Variants in GALR1 observed in about 807,000 individuals in gnomAD.
GALR1 encodes galanin receptor 1, also known as galanin receptor type 1.
In GALR1, 11 loss-of-function variants were observed where a neutral mutation model predicts 17.9. That is an observed-to-expected ratio of 0.62 (90% CI 0.39 to 1.02). The LOEUF (loss-of-function observed/expected upper bound fraction) is 1.02. GALR1 is among the 50% of genes least tolerant of loss of function. The pLI, the probability that GALR1 is intolerant of heterozygous loss-of-function variation, is 0.01. For missense variants in GALR1, 441 were observed against 456.9 expected, an observed-to-expected ratio of 0.97 and a Z score of 0.32; for synonymous variants, 206 against 205.7, an observed-to-expected ratio of 1.00 and a Z score of -0.01.
At chr18:77,252,899 C>CCACCAT (rs1568139010) in intron 1 of GALR1, among the ~76,000 whole-genome samples, 42 of 48,532 alleles carry the variant, frequency 8.7e-4, no homozygotes, top group African/African-American at 1.4e-3. Context: ...ACCACCATCA[C>CCACCAT]CACCACCACC....
intron 2 of GALR1, among the ~76,000 whole-genome samples, chr18:77,266,487 C>T (rs555219609): frequency 1.3e-4 from 20 of 152,316 alleles, no homozygotes; most frequent in South Asian, 6.2e-4. Context: ...AAAGTTGCTT[C>T]GACATTTTTG....
chr18:77,268,547 C>T (rs779715315), intron 2 of GALR1, 38 bp from the exon 3 acceptor site: 1 of 1,270,618 alleles, frequency 7.9e-7, no homozygotes, highest in Non-Finnish European at 1.1e-6. Context: ...TTACCGCCTC[C>T]TCCTCCTCCT....
Position 77,251,158 on chromosome 18 carries a change from A to T in GALR1, c.610A>T (p.Thr204Ser). 6.2e-7 allele frequency: 1 copy of T among 1,611,612 alleles called. No homozygotes were observed. Among genetic ancestry groups the T allele is most frequent in the Non-Finnish European group, 8.5e-7 (1 of 1,178,746 alleles). Residue 204 changes from threonine (T) to serine (S), a missense_variant, in exon 1 of 3, where the codon ACC (threonine) becomes TCC (serine). By Grantham distance (58) the Thr-to-Ser change is moderately conservative. Transcript: ENST00000299727. ...CCACAAGAAGGCCTACGTGGTGTGC[A>T]CCTTCGTCTTCGGCTACCTGCTGCC... The part of the protein sequence containing the change: ...PRHKKAYVVC[T>S]FVFGYLLPLL...
rs1913080889 is a variant in GALR1, at chr18:77,272,311, G to T, written c.*3409G>T. 1 of 152,204 alleles carries T rather than the reference G, an allele frequency of 6.6e-6. No homozygotes were observed. Among genetic ancestry groups the T allele is most frequent in the Non-Finnish European group, 1.5e-5 (1 of 68,046 alleles). The allele number at this position is 152,204 out of a possible 1,614,324, so 9.4% of individuals were successfully genotyped here. On this transcript the variant is annotated 3_prime_UTR_variant, in exon 3 of 3. Coordinates refer to ENST00000299727, the MANE Select transcript of GALR1 (RefSeq NM_001480.4). ...CCCAGATGCTTTGAGGCAGTGCAGC[G>T]ATCATTCTAATATGTTAACTGAGAC... is the stretch of plus-strand genomic sequence containing the variant.
At chr18:77,260,127 C>T (rs1040534095) in intron 2 of GALR1, among the ~76,000 whole-genome samples, 1 of 152,112 alleles carries the variant, frequency 6.6e-6, no homozygotes, top group African/African-American at 2.4e-5. Flanking sequence ...ATACCATAGT[C>T]TGGGTGGCTC....
rs1466003802 is a variant in GALR1 at position 77,257,190 on chromosome 18, C to T, written c.732+967C>T. 3.1e-4 allele frequency among the ~76,000 whole-genome samples: 47 copies of T among 151,992 alleles called. 1 individual carries two copies. On this transcript the variant is annotated intron_variant, in intron 2 of 2. Transcript: ENST00000299727. ...CTTCCTGACTTTCCTTCTTTATGAA[C>T]AGTAATGTGGCTAAAAAGCCATCTG...
At chr18:77,252,950 T>TCACCACCACCACCAC (rs1912485693) in intron 1 of GALR1, among the ~76,000 whole-genome samples, 2 of 25,268 alleles carry the variant, frequency 7.9e-5, no homozygotes, top group East Asian at 1.1e-3. Flanking sequence ...ACCACCACCA[T>TCACCACCACCACCAC]CACCACCATC....
chr18:77,268,713 C>T lies in GALR1; in HGVS notation c.861C>T (p.Thr287=), dbSNP rs557561459. ...CGGCTTCCTTCCTCTTCAGAATCAC[C>T]GCCCACTGCCTGGCGTACAGCAATT... is the stretch of plus-strand genomic sequence containing the variant. ...LTPASFLFRI[T]AHCLAYSNSS... Residue 287 remains threonine, a synonymous_variant, in exon 3 of 3, where the codon ACC becomes ACT. Transcript: ENST00000299727. The T allele has an allele frequency of 1.7e-5, 27 of 1,614,142 alleles. No homozygotes were observed. In the South Asian group the frequency reaches 2.2e-4, roughly 13 times the overall value.
At chr18:77,256,414 T>C (rs113998433) in intron 2 of GALR1, among the ~76,000 whole-genome samples, 191 bp downstream of exon 2, 1,958 of 152,060 alleles carry the variant, frequency 0.013, 41 homozygotes, top group African/African-American at 0.045. Flanking sequence ...GCACCGTGGG[T>C]CACTCCGTGC....
At chr18:77,251,506 C>T (rs1912415281) in intron 1 of GALR1, among the ~76,000 whole-genome samples, 1 of 152,252 alleles carries the variant, frequency 6.6e-6, no homozygotes, top group East Asian at 1.9e-4. Context: ...TCCCCTTCCT[C>T]GGCCCTGCGG....
intron 2 of GALR1, among the ~76,000 whole-genome samples, chr18:77,261,014 T>A (rs935562455): frequency 3.5e-5 from 5 of 141,986 alleles, no homozygotes; most frequent in Middle Eastern, 3.6e-3. Context: ...TTTTTTTTTT[T>A]ATCATTCTCA....
At chr18:77,264,383 G>A (rs749227763) in intron 2 of GALR1, among the ~76,000 whole-genome samples, 1 of 152,042 alleles carries the variant, frequency 6.6e-6, no homozygotes, top group Non-Finnish European at 1.5e-5. Context: ...GAAAAATAAG[G>A]CTCTGTTTAT....
intron 1 of GALR1, among the ~76,000 whole-genome samples, chr18:77,253,417 A>C (rs1431170028): frequency 6.6e-6 from 1 of 152,230 alleles, no homozygotes; most frequent in Non-Finnish European, 1.5e-5. Flanking sequence ...TTCTTAACAT[A>C]TATGGCTGTT....
At position 77,268,600 on chromosome 18, in the gene GALR1, C is replaced by G. The variant is rs376047000; in HGVS notation, c.748C>G (p.Leu250Val). The change falls in exon 3 of 3, where the codon CTG becomes GTG. Residue 250 changes from leucine to valine, a missense_variant. Leu to Val is a conservative substitution (Grantham distance 32). Coordinates refer to ENST00000299727, the MANE Select transcript of GALR1 (RefSeq NM_001480.4). ...ASKKKTAQTV[L>V]VVVVVFGISW... ...TCTTTTCTAGACTGCACAGACAGTT[C>G]TGGTGGTGGTTGTGGTGTTTGGAAT... 6.2e-7 allele frequency: 1 copy of G among 1,613,592 alleles called. No homozygotes were observed. Among genetic ancestry groups the G allele is most frequent in the African/African-American group, 1.3e-5 (1 of 74,864 alleles).
At chr18:77,258,731 A>ATGG (rs200198631) in intron 2 of GALR1, among the ~76,000 whole-genome samples, 5,861 of 22,952 alleles carry the variant, frequency 0.26, 255 homozygotes, top group Admixed American at 0.41. Context: ...GATGGTGGTG[A>ATGG]TGGTGATGAT....
At chr18:77,256,785 T>C (rs920559630) in intron 2 of GALR1, among the ~76,000 whole-genome samples, 2 of 152,172 alleles carry the variant, frequency 1.3e-5, no homozygotes, top group Non-Finnish European at 2.9e-5. Flanking sequence ...CGTTGCTAAC[T>C]GACTTTCTCA....
rs1485565003 is a variant in GALR1 at position 77,250,677 on chromosome 18, C to T, written c.129C>T (p.Ile43=). 2.5e-6 allele frequency: 4 copies of T among 1,612,664 alleles called. No homozygotes were observed. The highest frequency in any genetic ancestry group is 3.4e-6 in the Non-Finnish European group (4 of 1,179,814). The change falls in exon 1 of 3, where the codon ATC becomes ATT. Residue 43 remains isoleucine (I), a synonymous_variant. Transcript: ENST00000299727. ...TCACGCTGGTGGTGTTCGGCCTGAT[C>T]TTCGCGCTGGGTGTGCTGGGCAACA... ...NFVTLVVFGL[I]FALGVLGNSL... is the part of the protein sequence containing the mutation.
chr18:77,252,929 C>CCAT (rs1568139084), intron 1 of GALR1, among the ~76,000 whole-genome samples: 13 of 34,524 alleles, frequency 3.8e-4, no homozygotes, highest in East Asian at 7.6e-4. Flanking sequence ...ACCATCACCA[C>CCAT]CACCACCACC....
Position 77,256,203 on chromosome 18 carries a change from TCTGAAGC to T in GALR1, c.713_719del (p.Ser238TyrfsTer38). On this transcript the variant is annotated frameshift_variant, in exon 2 of 3. Transcript: ENST00000299727. LOFTEE classifies it high-confidence loss of function. ...AAAGTTGAAGAACATGTCAAAGAAG[TCTGAAGC>T]ATCCAAGAAAAAGGTAATGATCACA... 1 of 1,586,982 alleles carries T rather than the reference TCTGAAGC, an allele frequency of 6.3e-7. No individual in the cohort carries two copies. The highest frequency in any genetic ancestry group is 8.7e-7 in the Non-Finnish European group (1 of 1,155,574).
Sources: allele counts gnomAD v4.1 joint callset (sites outside exome capture counted in the v4.1 genomes callset), GRCh38; gene constraint gnomAD v4.1.1; transcripts MANE v1.5; gene names NCBI Gene and HGNC (gene_info 2026-07-23, HGNC 2026-07-21).